Variants in SPTBN5 observed in about 807,000 individuals in gnomAD.
The protein encoded by SPTBN5 is spectrin beta chain, non-erythrocytic 5.
A neutral mutation model predicts 477.6 loss-of-function variants in SPTBN5; 513 were observed. That is an observed-to-expected ratio of 1.07 (90% CI 1.00 to 1.16). The LOEUF is 1.16. Ranked by LOEUF, SPTBN5 falls within the 50% of genes most tolerant of loss-of-function variation. SPTBN5 has a pLI of 0.00. For missense variants in SPTBN5, 5,062 were observed against 4,731.8 expected (o/e 1.07, Z -2.05); for synonymous variants, 2,169 against 2,011.7 (o/e 1.08, Z -2.09).
intron 19 of SPTBN5, 65 bp from the exon 20 acceptor site, chr15:41,876,712 C>T: frequency 1.3e-6 from 2 of 1,597,264 alleles, no homozygotes; most frequent in Admixed American, 1.7e-5. Context: ...ACGAGGTGCA[C>T]TCTCCCCCAC....
In SPTBN5 at chr15:41,879,356, C is replaced by T; in HGVS notation, c.3086G>A (p.Gly1029Glu). The stretch of plus-strand genomic sequence containing the variant: ...GGCGTGGCAGGTGTCCTCTGAGCTC[C>T]CTGGCTGCAGGGCCTCCAGCTGGAG... ...VLLQLEALQPGSSEDTCHALQ... is the reference protein window; with the variant it reads ...VLLQLEALQPESSEDTCHALQ... Residue 1029 changes from glycine (G) to glutamate (E), a missense_variant, in exon 16 of 68, where the codon GGG (glycine) becomes GAG (glutamate). Transcript: ENST00000320955. 1.2e-6 allele frequency: 2 copies of T among 1,609,940 alleles called. No homozygotes were observed. The highest frequency in any genetic ancestry group is 1.7e-6 in the Non-Finnish European group (2 of 1,179,736).
intron 1 of SPTBN5, 34 bp from the exon 2 acceptor site, chr15:41,893,580 T>C (rs550145714): frequency 3.0e-4 from 449 of 1,510,094 alleles, no homozygotes; most frequent in African/African-American, 1.3e-3. Context: ...ATGATGTGAA[T>C]GGAGATGGCC....
rs780560432 is a variant in SPTBN5 at position 41,852,629 on chromosome 15, G to A, written c.10449+5C>T. 128 of 1,613,114 alleles carry A rather than the reference G, an allele frequency of 7.9e-5. No individual in the cohort carries two copies. Among genetic ancestry groups the A allele is most frequent in the Non-Finnish European group, 9.6e-5 (113 of 1,179,716 alleles). ...CCCTCAGCCCCTAGCCGAGGCAGTC[G>A]TCACCTCTGTCTTTTGCATTTGGGC... On this transcript the variant is annotated splice_donor_5th_base_variant and intron_variant, in intron 61 of 67. Transcript: ENST00000320955.
At chr15:41,893,589 C>A (rs757390429) in intron 1 of SPTBN5, 43 bp from the exon 2 acceptor site, 28 of 1,494,370 alleles carry the variant, frequency 1.9e-5, no homozygotes, top group Non-Finnish European at 2.5e-5. Flanking sequence ...ATGGAGATGG[C>A]CCCTCTACCA....
rs977337014 is a variant in SPTBN5 at position 41,862,637 on chromosome 15, G to A, written c.7287C>T (p.Arg2429=). ...QVESLEREVG[R]LCQRSPEAAH... ...CTGCCTCGGGGCTTCTTTGGCAGAG[G>A]CGGCCCACTTCACGCTCTAGGGACT... Residue 2429 remains arginine (R), a synonymous_variant, in exon 43 of 68, where the codon CGC becomes CGT. Transcript: ENST00000320955. The A allele has an allele frequency of 2.6e-6, 4 of 1,555,310 alleles. No homozygotes were observed. The highest frequency in any genetic ancestry group is 3.5e-6 in the Non-Finnish European group (4 of 1,152,860).
chr15:41,885,085 G>A (rs924149639), intron 7 of SPTBN5, among the ~76,000 whole-genome samples: 19 of 152,206 alleles, frequency 1.2e-4, no homozygotes, highest in African/African-American at 2.4e-4. Flanking sequence ...GTGCAATGGC[G>A]CCATCTCTGC....
In SPTBN5 at chr15:41,868,372, T is replaced by C. The variant is rs375471938; in HGVS notation, c.6057+26A>G. 4,165 of 1,589,660 alleles carry C rather than the reference T, an allele frequency of 2.6e-3. 12 individuals carry two copies. Among genetic ancestry groups the C allele is most frequent in the Non-Finnish European group, 3.4e-3 (3,968 of 1,167,166 alleles). ...CACAGGCTTGGTCAGCTAGGGTATG[T>C]GGGGGCACCAGGGGAGGGGGCCCAC... On this transcript the variant is annotated intron_variant, in intron 33 of 67. Coordinates refer to ENST00000320955, the MANE Select transcript of SPTBN5 (RefSeq NM_016642.4).
At position 41,879,345 on chromosome 15, in the gene SPTBN5, C is replaced by T. The variant is rs529571788; in HGVS notation, c.3097G>A (p.Asp1033Asn). 2 of 1,609,298 alleles carry T rather than the reference C, an allele frequency of 1.2e-6. No homozygotes were observed. Among genetic ancestry groups the T allele is most frequent in the African/African-American group, 1.3e-5 (1 of 75,040 alleles). ...LEALQPGSSE[D>N]TCHALQLAQK... is the part of the protein sequence containing the mutation. ...GCCAGCTGCAGGGCGTGGCAGGTGT[C>T]CTCTGAGCTCCCTGGCTGCAGGGCC... Residue 1033 changes from aspartate to asparagine, a missense_variant, in exon 16 of 68, where the codon GAC (aspartate) becomes AAC (asparagine). Asp to Asn is a conservative substitution (Grantham distance 23). Transcript: ENST00000320955.
rs1567175668 is a variant in SPTBN5, at chr15:41,848,422, C to T, written c.*194G>A. On this transcript the variant is annotated 3_prime_UTR_variant, in exon 68 of 68. Transcript: ENST00000320955. ...GACAGGAATGCAGGGGGAGGCCAGG[C>T]AATGGCTGTTTCCTGCCACATGGTA... 3 of 663,474 alleles carry T rather than the reference C, an allele frequency of 4.5e-6. No homozygotes were observed. The highest frequency in any genetic ancestry group is 1.8e-5 in the African/African-American group (1 of 55,838). The allele number at this position is 663,474 out of a possible 1,614,324, so 41.1% of individuals were successfully genotyped here.
chr15:41,881,180 T>C lies in SPTBN5; in HGVS notation c.2512A>G (p.Ser838Gly). Reference protein sequence around the residue: ...GESLRNPGPWSEASCHPGPGD... With the variant: ...GESLRNPGPWGEASCHPGPGD... ...GGGCCAGGGTGGCAGGAAGCCTCAC[T>C]CCAGGGCCCTGGGTTCCTCAGGCTT... The change falls in exon 13 of 68, where the codon AGT (serine) becomes GGT (glycine). Residue 838 changes from serine to glycine, a missense_variant. Physicochemically the swap from Ser to Gly is moderately conservative, Grantham distance 56. Transcript: ENST00000320955. 1 of 1,613,042 alleles carries C rather than the reference T, an allele frequency of 6.2e-7. No individual in the cohort carries two copies. The highest frequency in any genetic ancestry group is 8.5e-7 in the Non-Finnish European group (1 of 1,179,786).
chr15:41,891,481 C>T (rs948159845), intron 3 of SPTBN5, among the ~76,000 whole-genome samples: 7 of 152,314 alleles, frequency 4.6e-5, no homozygotes, highest in African/African-American at 1.7e-4. Flanking sequence ...CTCCTCCCAG[C>T]TCCTGAGAGC....
chr15:41,855,710 G>A lies in SPTBN5; in HGVS notation c.9057C>T (p.Gly3019=). The A allele has an allele frequency of 1.3e-6, 2 of 1,592,178 alleles. No homozygotes were observed. The highest frequency in any genetic ancestry group is 8.5e-7 in the Non-Finnish European group (1 of 1,170,500). Residue 3019 remains glycine (G), a synonymous_variant, in exon 54 of 68, where the codon GGC becomes GGT. Transcript: ENST00000320955. The part of the protein sequence containing the change: ...LEAGSWLAER[G]HVLDSEDMGH... Reference sequence around the variant, plus strand: ...CCATGTCCTCGCTGTCCAGGACATGGCCCCGCTCAGCCAGCCAGGATCCCG... The same window carrying A: ...CCATGTCCTCGCTGTCCAGGACATGACCCCGCTCAGCCAGCCAGGATCCCG...
At chr15:41,889,572 A>G (rs912420497) in intron 4 of SPTBN5, among the ~76,000 whole-genome samples, 1 of 152,062 alleles carries the variant, frequency 6.6e-6, no homozygotes, top group Non-Finnish European at 1.5e-5. Flanking sequence ...CATGTGCCAC[A>G]AAGAGTTTAT....
chr15:41,882,204 G>A, intron 11 of SPTBN5, 59 bp from the exon 12 acceptor site: 1 of 1,470,394 alleles, frequency 6.8e-7, no homozygotes, highest in Non-Finnish European at 9.0e-7. Flanking sequence ...GCGGGCAGGT[G>A]CTGGCACCCC....
At chr15:41,890,281 C>T in intron 3 of SPTBN5, 76 bp from the exon 4 acceptor site, 3 of 1,001,034 alleles carry the variant, frequency 3.0e-6, no homozygotes, top group South Asian at 2.8e-5. Flanking sequence ...GCTTAGGGGG[C>T]CAGCTGCGGG....
intron 22 of SPTBN5, 79 bp from the exon 23 acceptor site, chr15:41,875,135 G>A (rs1332355514): frequency 7.6e-7 from 1 of 1,319,026 alleles, no homozygotes; most frequent in African/African-American, 1.5e-5. Context: ...TGGGACTGTT[G>A]GACTTTTAGG....
At position 41,848,333 on chromosome 15, in the gene SPTBN5, A is replaced by G. The variant is rs1033301655; in HGVS notation, c.*283T>C. On this transcript the variant is annotated 3_prime_UTR_variant, in exon 68 of 68. Coordinates refer to ENST00000320955, the MANE Select transcript of SPTBN5 (RefSeq NM_016642.4). ...CCCTTCCAAGCAAGGAGGAGGCCAC[A>G]TGGGCCTGGGGTAGCCCTGGCCTTG... 9 of 548,070 alleles carry G rather than the reference A, an allele frequency of 1.6e-5. No individual in the cohort carries two copies. The highest frequency in any genetic ancestry group is 1.1e-4 in the African/African-American group (6 of 52,720). The allele number at this position is 548,070 out of a possible 1,614,324, so 34.0% of individuals were successfully genotyped here.
Position 41,873,972 on chromosome 15 carries a change from G to T in SPTBN5, c.4763C>A (p.Ala1588Asp). 1 of 1,607,216 alleles carries T rather than the reference G, an allele frequency of 6.2e-7. No homozygotes were observed. The change falls in exon 25 of 68, where the codon GCC becomes GAC. Residue 1588 changes from alanine to aspartate, a missense_variant. By Grantham distance (126) the Ala-to-Asp change is moderately radical. Transcript: ENST00000320955. Reference sequence around the variant, plus strand: ...GTGTTGGGCTTGGGGGTGCCCTGAGGCTGCCAGGCTCCGCCCAGAACTCAG... The same window carrying T: ...GTGTTGGGCTTGGGGGTGCCCTGAGTCTGCCAGGCTCCGCCCAGAACTCAG... Reference protein sequence around the residue: ...RVLSSGRSLAASGHPQAQHIV... With the variant: ...RVLSSGRSLADSGHPQAQHIV...
At chr15:41,852,060 C>T in intron 62 of SPTBN5, 122 bp downstream of exon 62, 1 of 1,264,458 alleles carries the variant, frequency 7.9e-7, no homozygotes, top group Non-Finnish European at 1.1e-6. Flanking sequence ...ACCTTCAGCT[C>T]CTGTGCCCGG....
Sources: allele counts gnomAD v4.1 joint callset (sites outside exome capture counted in the v4.1 genomes callset), GRCh38; gene constraint gnomAD v4.1.1; transcripts MANE v1.5; gene names NCBI Gene and HGNC (gene_info 2026-07-23, HGNC 2026-07-21).